The following GALNT9 variants were observed in gnomAD, a reference collection of about 807,000 sequenced individuals.
GALNT9 encodes the protein GalNAc transferase 9.
Under a neutral mutation model 63.1 loss-of-function variants are expected in GALNT9, and 47 were observed. That is an observed-to-expected ratio of 0.75 (90% CI 0.59 to 0.95). GALNT9 has a LOEUF of 0.95. Among genes scored for constraint, GALNT9 ranks in the 40% least tolerant of loss-of-function variants. The pLI, the probability that GALNT9 is intolerant of heterozygous loss-of-function variation, is 0.00. For synonymous variants in GALNT9, 396 were observed against 365.7 expected, an observed-to-expected ratio of 1.08 and a Z score of -0.94; for missense variants, 829 against 874.8, an observed-to-expected ratio of 0.95 and a Z score of 0.66.
intron 1 of GALNT9, among the ~76,000 whole-genome samples, chr12:132,304,205 G>A (rs184156918): frequency 2.0e-3 from 17 of 8,420 alleles, no homozygotes; most frequent in African/African-American, 4.1e-3. Context: ...ACCCAGACAC[G>A]CCCTCACCTG....
At position 132,196,494 on chromosome 12, in the gene GALNT9, GAC is replaced by G. The variant is rs1334125232; in HGVS notation, c.*611_*612del. 3.0e-6 allele frequency: 3 copies of G among 985,472 alleles called. No individual in the cohort carries two copies. Among genetic ancestry groups the G allele is most frequent in the African/African-American group, 1.7e-5 (1 of 57,252 alleles). The allele number at this position is 985,472 out of a possible 1,614,324, so 61.0% of individuals were successfully genotyped here. ...CAACCCCCAGCTCGGCTCCCAGGAA[GAC>G]ACACACAGTGCTGCTGCCTAATCCT... On this transcript the variant is annotated 3_prime_UTR_variant, in exon 11 of 11. Transcript: ENST00000328957.
chr12:132,224,894 C>T (rs967548870), intron 6 of GALNT9, among the ~76,000 whole-genome samples: 5 of 149,140 alleles, frequency 3.4e-5, no homozygotes, highest in African/African-American at 5.0e-5. Context: ...ACACAATCCA[C>T]ACTGCACACA....
chr12:132,264,751 T>C lies in GALNT9; in HGVS notation c.420-2126A>G, dbSNP rs78709654. 9.8e-5 allele frequency among the ~76,000 whole-genome samples: 15 copies of C among 152,300 alleles called. No homozygotes were observed. In the East Asian group the frequency reaches 2.7e-3, roughly 27 times the overall value. ...GGCCAGAGGAAATAGGGCACTCAGA[T>C]TGGCTTATGCTCCACCGCGTCATGC... On this transcript the variant is annotated intron_variant, in intron 2 of 10. Coordinates refer to ENST00000328957, the MANE Select transcript of GALNT9 (RefSeq NM_001122636.2).
intron 6 of GALNT9, among the ~76,000 whole-genome samples, chr12:132,239,203 GAGAGAGAC>G (rs1244750491): frequency 1.3e-5 from 2 of 151,986 alleles, no homozygotes; most frequent in African/African-American, 4.8e-5. Flanking sequence ...GACAGGCAGA[GAGAGAGAC>G]AGAGAGACAC....
At chr12:132,291,309 A>G (rs1292241101) in intron 1 of GALNT9, among the ~76,000 whole-genome samples, 18 of 41,066 alleles carry the variant, frequency 4.4e-4, no homozygotes, top group South Asian at 1.3e-3. Flanking sequence ...TAGCACCCAC[A>G]TCCACAGCAC....
At chr12:132,262,711 G>C in intron 2 of GALNT9, 86 bp from the exon 3 acceptor site, 1 of 1,423,536 alleles carries the variant, frequency 7.0e-7, no homozygotes, top group Non-Finnish European at 9.3e-7. Flanking sequence ...ACCTGCAGGA[G>C]ACACGGTTTG....
intron 6 of GALNT9, 109 bp from the exon 7 acceptor site, chr12:132,203,799 C>T: frequency 2.5e-6 from 3 of 1,186,828 alleles, no homozygotes; most frequent in Non-Finnish European, 3.5e-6. Flanking sequence ...GTTCCTGGGG[C>T]ACCCCCACCA....
chr12:132,241,477 G>A (rs2136901510), intron 6 of GALNT9, among the ~76,000 whole-genome samples: 67 of 17,350 alleles, frequency 3.9e-3, no homozygotes, highest in Admixed American at 8.9e-3. Context: ...TTACACACAC[G>A]CCACACACCC....
Position 132,261,064 on chromosome 12 carries a change from C to T in GALNT9, c.645G>A (p.Lys215=). The change falls in exon 4 of 11, where the codon AAG becomes AAA. Residue 215 remains lysine, a synonymous_variant. Transcript: ENST00000328957. The part of the protein sequence containing the change: ...YVNKRYPGLV[K]IVRNSRREGL... Reference sequence around the variant, plus strand: ...CTTCCCGCCGGCTGTTGCGGACAATCTTCACGAGGCCTGGGTACCGCTTGT... The same window carrying T: ...CTTCCCGCCGGCTGTTGCGGACAATTTTCACGAGGCCTGGGTACCGCTTGT... 6.4e-7 allele frequency: 1 copy of T among 1,551,580 alleles called. No individual in the cohort carries two copies. The highest frequency in any genetic ancestry group is 8.7e-7 in the Non-Finnish European group (1 of 1,146,972).
chr12:132,239,389 GAGAC>G (rs1878137029), intron 6 of GALNT9, among the ~76,000 whole-genome samples: 1 of 151,388 alleles, frequency 6.6e-6, no homozygotes, highest in Non-Finnish European at 1.5e-5. Context: ...CAGAGACACA[GAGAC>G]AGAAAGAGAG....
chr12:132,204,953 C>T (rs1204021409), intron 6 of GALNT9, among the ~76,000 whole-genome samples: 4 of 152,178 alleles, frequency 2.6e-5, no homozygotes, highest in African/African-American at 7.2e-5. Context: ...CCCCACCACC[C>T]GAGAAAGGGT....
chr12:132,269,823 C>T (rs1566007081), intron 2 of GALNT9, among the ~76,000 whole-genome samples: 1 of 152,212 alleles, frequency 6.6e-6, no homozygotes, highest in South Asian at 2.1e-4. Flanking sequence ...ACCAGCTATG[C>T]AGGCCTGGCC....
rs981471503 is a variant in GALNT9 at position 132,230,974 on chromosome 12, A to G, written c.1077+16936T>C. On this transcript the variant is annotated intron_variant, in intron 6 of 10. Coordinates refer to ENST00000328957, the MANE Select transcript of GALNT9 (RefSeq NM_001122636.2). ...AGTGACAGAGACTCACCCTAGTGCC[A>G]CACACTCGATGGAGTGACAGAGGAG... Among the ~76,000 whole-genome samples, 37 of 152,084 alleles carry G rather than the reference A, an allele frequency of 2.4e-4. No individual in the cohort carries two copies. In the East Asian group the frequency reaches 3.5e-3, roughly 14 times the overall value.
chr12:132,221,843 C>T (rs1168434299), intron 6 of GALNT9, among the ~76,000 whole-genome samples: 2 of 152,032 alleles, frequency 1.3e-5, no homozygotes, highest in South Asian at 4.1e-4. Context: ...AAATGCAACC[C>T]GCACTTGCTG....
At chr12:132,219,156 G>A (rs554926813) in intron 6 of GALNT9, among the ~76,000 whole-genome samples, 8 of 152,248 alleles carry the variant, frequency 5.3e-5, no homozygotes, top group African/African-American at 9.6e-5. Context: ...TCGGCAGAAC[G>A]ACACCTGGTG....
chr12:132,202,699 C>G (rs1251792278), intron 7 of GALNT9, among the ~76,000 whole-genome samples: 2 of 151,998 alleles, frequency 1.3e-5, no homozygotes, highest in Non-Finnish European at 2.9e-5. Flanking sequence ...TGAGCCCTCC[C>G]AGAACTCAGG....
At chr12:132,301,405 C>G (rs1449619291) in intron 1 of GALNT9, among the ~76,000 whole-genome samples, 2 of 152,210 alleles carry the variant, frequency 1.3e-5, no homozygotes, top group South Asian at 4.1e-4. Flanking sequence ...GTGGTGGGCA[C>G]GTGGGAATGG....
chr12:132,287,655 G>A (rs766486627), intron 1 of GALNT9, among the ~76,000 whole-genome samples: 1 of 152,158 alleles, frequency 6.6e-6, no homozygotes, highest in African/African-American at 2.4e-5. Flanking sequence ...CGGGGACCCC[G>A]GGGTGGGGCA....
In GALNT9 at chr12:132,196,456, T is replaced by G. The variant is rs1875512760; in HGVS notation, c.*651A>C. The G allele has an allele frequency of 2.0e-6, 2 of 985,276 alleles. No homozygotes were observed. Among genetic ancestry groups the G allele is most frequent in the Admixed American group, 1.2e-4 (2 of 16,254 alleles). The allele number at this position is 985,276 out of a possible 1,614,324, so 61.0% of individuals were successfully genotyped here. Reference sequence around the variant, plus strand: ...AGGGCCCAGGTGCCTGGGAAAGAGGTGGGACCGGGCCCCAACCCCCAGCTC... The same window carrying G: ...AGGGCCCAGGTGCCTGGGAAAGAGGGGGGACCGGGCCCCAACCCCCAGCTC... On this transcript the variant is annotated 3_prime_UTR_variant, in exon 11 of 11. Transcript: ENST00000328957.
Sources: allele counts gnomAD v4.1 joint callset (sites outside exome capture counted in the v4.1 genomes callset), GRCh38; gene constraint gnomAD v4.1.1; transcripts MANE v1.5; gene names NCBI Gene and HGNC (gene_info 2026-07-23, HGNC 2026-07-21).